Variants in TUBGCP5 observed in about 807,000 individuals in gnomAD.
The protein encoded by TUBGCP5 is tubulin gamma complex component 5, also known as gamma-tubulin complex component 5.
In TUBGCP5, 98 loss-of-function variants were observed where a neutral mutation model predicts 134.7. That is an observed-to-expected ratio of 0.73 (90% CI 0.62 to 0.86). TUBGCP5 has a LOEUF of 0.86. Among genes scored for constraint, TUBGCP5 ranks in the 40% least tolerant of loss-of-function variants. TUBGCP5 has a pLI of 0.00. For synonymous variants in TUBGCP5, 456 were observed against 431.4 expected (o/e 1.06, Z -0.71); for missense variants, 1,150 against 1,244.8 (o/e 0.92, Z 1.15).
chr15:22,983,754 CCCT>C (rs2063599986), intron 23 of TUBGCP5: 1 of 152,164 alleles, frequency 6.6e-6, no homozygotes, highest in East Asian at 1.9e-4. Flanking sequence ...CTAGTAGTCC[CCCT>C]CCTCTGAGTT....
chr15:23,004,672 C>T (rs2064600971), intron 19 of TUBGCP5: 1 of 153,920 alleles, frequency 6.5e-6, no homozygotes, highest in Non-Finnish European at 1.4e-5. Context: ...AAAAAACAAA[C>T]TAAGAAAAAA....
chr15:23,038,438 G>A (rs184968473), intron 1 of TUBGCP5, among the ~76,000 whole-genome samples: 16 of 152,240 alleles, frequency 1.1e-4, no homozygotes, highest in Admixed American at 4.6e-4. Context: ...TTAAGTTTCT[G>A]TATTGTATAA....
intron 11 of TUBGCP5, among the ~76,000 whole-genome samples, chr15:23,021,268 G>A (rs892269438): frequency 2.6e-5 from 4 of 151,996 alleles, no homozygotes; most frequent in African/African-American, 9.7e-5. Flanking sequence ...ACTATGCATG[G>A]CCTAGATTTG....
Position 23,027,344 on chromosome 15 carries a change from A to G in TUBGCP5, c.623-38T>C, listed in dbSNP as rs965539709. 3 of 1,539,284 alleles carry G rather than the reference A, an allele frequency of 1.9e-6. No homozygotes were observed. The South Asian group carries it at 3.4e-5, about 17-fold the overall frequency. ...AATGTAATCAGTTTGAGTTAACAAC[A>G]ACAAAATACTGGGTCACAATACCTG... On this transcript the variant is annotated intron_variant, in intron 6 of 22. Coordinates refer to ENST00000615383, the MANE Select transcript of TUBGCP5 (RefSeq NM_052903.6).
At position 23,018,049 on chromosome 15, in the gene TUBGCP5, G is replaced by T. The variant is rs990587530; in HGVS notation, c.1488-8C>A. ...ACTGGAACATTTTTGTTTCTAAAGA[G>T]ATTCAAAAGAATTTTAAACTCTTAT... is the stretch of plus-strand genomic sequence containing the variant. On this transcript the variant is annotated splice_polypyrimidine_tract_variant and splice_region_variant and intron_variant, in intron 12 of 22. Transcript: ENST00000615383. The T allele has an allele frequency of 1.9e-6, 3 of 1,595,236 alleles. No homozygotes were observed. The African/African-American group carries it at 4.1e-5, about 22-fold the overall frequency.
In TUBGCP5 at chr15:23,019,306, T is replaced by C. The variant is rs2065525267; in HGVS notation, c.1400A>G (p.Glu467Gly). ...CGTCTGCAGGTAAGGCCGCACCGTT[T>C]CCACCCAGAGAGAGAAAAGGAGGGA... ...TVSLLFSLWV[E>G]TVRPYLQTVD... The change falls in exon 12 of 23, where the codon GAA (glutamate) becomes GGA (glycine). Residue 467 changes from glutamate (E) to glycine (G), a missense_variant. By Grantham distance (98) the Glu-to-Gly change is moderately conservative. Around this residue, in one of 2 missense-constraint regions of TUBGCP5, gnomAD observed 697 missense variants for 850.1 expected, o/e 0.82. Coordinates refer to ENST00000615383, the MANE Select transcript of TUBGCP5 (RefSeq NM_052903.6). 5.0e-6 allele frequency: 8 copies of C among 1,613,976 alleles called. No individual in the cohort carries two copies. The highest frequency in any genetic ancestry group is 6.8e-6 in the Non-Finnish European group (8 of 1,179,940).
At chr15:23,025,571 GCCTGTAATC>G in intron 8 of TUBGCP5, among the ~76,000 whole-genome samples, 1 of 152,222 alleles carries the variant, frequency 6.6e-6, no homozygotes, top group Admixed American at 6.5e-5. Flanking sequence ...GGTGGCTCAC[GCCTGTAATC>G]CCAGCACTTT....
intron 3 of TUBGCP5, among the ~76,000 whole-genome samples, chr15:23,035,159 C>A (rs1399748431): frequency 2.6e-5 from 4 of 151,804 alleles, no homozygotes; most frequent in African/African-American, 7.3e-5. Flanking sequence ...GAAACCCTGT[C>A]TCTACTAAAA....
At chr15:23,035,405 C>G (rs1236552405) in intron 3 of TUBGCP5, among the ~76,000 whole-genome samples, 1 of 151,746 alleles carries the variant, frequency 6.6e-6, no homozygotes, top group Non-Finnish European at 1.5e-5. Context: ...GCACCAGGGA[C>G]TGGTTTTGTG....
intron 6 of TUBGCP5, among the ~76,000 whole-genome samples, chr15:23,028,011 A>C (rs1445489530): frequency 6.6e-5 from 10 of 152,216 alleles, no homozygotes; most frequent in South Asian, 2.1e-4. Context: ...TTGAAAAAGC[A>C]GAAAAAGAGA....
intron 10 of TUBGCP5, 30 bp from the exon 11 acceptor site, chr15:23,022,191 G>C: frequency 6.2e-7 from 1 of 1,606,324 alleles, no homozygotes; most frequent in Middle Eastern, 1.7e-4. Context: ...AAACTCAACA[G>C]CAAGGAAAAA....
At chr15:23,011,364 A>C (rs1445189185) in intron 13 of TUBGCP5, 33 bp from the exon 14 acceptor site, 3 of 1,530,866 alleles carry the variant, frequency 2.0e-6, no homozygotes, top group Non-Finnish European at 2.7e-6. Context: ...AGGTGAACTA[A>C]GTTCTGTTTA....
Position 23,039,555 on chromosome 15 carries a change from C to T in TUBGCP5, c.-12G>A, listed in dbSNP as rs1408316333. ...CCGTGCCGCGCCATGTTCCGCGCTC[C>T]TGCAGCGCGCGTCTAACGAATTGGT... On this transcript the variant is annotated 5_prime_UTR_variant, in exon 1 of 23. Transcript: ENST00000615383. 1.4e-6 allele frequency: 2 copies of T among 1,406,938 alleles called. No individual in the cohort carries two copies. Among genetic ancestry groups the T allele is most frequent in the South Asian group, 1.6e-5 (1 of 64,152 alleles). The allele number at this position is 1,406,938 out of a possible 1,614,324, so 87.2% of individuals were successfully genotyped here.
chr15:23,038,855 C>T (rs2066747713), intron 1 of TUBGCP5, among the ~76,000 whole-genome samples: 1 of 143,558 alleles, frequency 7.0e-6, no homozygotes, highest in African/African-American at 2.5e-5. Flanking sequence ...CAGCGTGCTA[C>T]GTGCCAGGAG....
intron 1 of TUBGCP5, among the ~76,000 whole-genome samples, chr15:23,038,972 G>A (rs1235863941): frequency 1.3e-5 from 2 of 151,962 alleles, no homozygotes; most frequent in Admixed American, 6.6e-5. Context: ...AGCAGGGTGA[G>A]AGATCTTACA....
At chr15:22,985,729 G>A (rs184520684) in intron 23 of TUBGCP5, among the ~76,000 whole-genome samples, 209 of 152,148 alleles carry the variant, frequency 1.4e-3, no homozygotes, top group Middle Eastern at 0.01. Context: ...CAGCTACTTG[G>A]GAGGCTGAGG....
At chr15:23,007,901 G>A (rs2064818161) in intron 16 of TUBGCP5, among the ~76,000 whole-genome samples, 1 of 152,116 alleles carries the variant, frequency 6.6e-6, no homozygotes, top group Non-Finnish European at 1.5e-5. Flanking sequence ...GAGTGAGGCT[G>A]AGAGACACAG....
chr15:22,987,617 C>A (rs1445865394), intron 23 of TUBGCP5, among the ~76,000 whole-genome samples: 2 of 150,804 alleles, frequency 1.3e-5, no homozygotes, highest in Admixed American at 1.3e-4. Context: ...CCAGAGGGGG[C>A]CAGGCGCGGT....
intron 12 of TUBGCP5, among the ~76,000 whole-genome samples, 183 bp from the exon 13 acceptor site, chr15:23,018,224 C>G (rs1174524488): frequency 6.6e-6 from 1 of 152,066 alleles, no homozygotes; most frequent in Non-Finnish European, 1.5e-5. Flanking sequence ...TGAATAAATA[C>G]TTTGAATAGT....
Sources: allele counts gnomAD v4.1 joint callset (sites outside exome capture counted in the v4.1 genomes callset), GRCh38; gene constraint gnomAD v4.1.1; regional missense constraint gnomAD v4.1.1; transcripts MANE v1.5; gene names NCBI Gene and HGNC (gene_info 2026-07-23, HGNC 2026-07-21).